Variants in CASP6 observed in about 807,000 individuals in gnomAD.
CASP6 encodes caspase-6.
A neutral mutation model predicts 31.8 loss-of-function variants in CASP6; 20 were observed. That is an observed-to-expected ratio of 0.63 (90% confidence interval 0.44 to 0.91). CASP6 has a LOEUF of 0.91. CASP6 is among the 40% of genes least tolerant of loss of function. CASP6 has a pLI of 0.00. For synonymous variants in CASP6, 130 were observed against 127.8 expected (o/e 1.02, Z -0.12); for missense variants, 328 against 361.1 (o/e 0.91, Z 0.74).
chr4:109,690,196 T>TAC lies in CASP6; in HGVS notation c.644-630_644-629dup, dbSNP rs60978760. On this transcript the variant is annotated intron_variant, in intron 6 of 6. Transcript: ENST00000265164. ...TGAGACTATTAAAAAAAAAAAAAAA[T>TAC]ACACACACACACACACGTCTGGGCA... Among the ~76,000 whole-genome samples the TAC allele has an allele frequency of 3.5e-3, 399 of 113,926 alleles. 5 individuals are homozygous for TAC. Among genetic ancestry groups the TAC allele is most frequent in the East Asian group, 0.016 (66 of 4,134 alleles). The allele number at this position is 113,926 out of a possible 152,430, so 74.7% of individuals were successfully genotyped here.
the CASP6 span, among the ~76,000 whole-genome samples, chr4:109,671,049 T>C: frequency 6.6e-6 from 1 of 152,238 alleles, no homozygotes; most frequent in African/African-American, 2.4e-5. Context: ...TATTTATCTA[T>C]CTTTTCAATT....
the CASP6 span, among the ~76,000 whole-genome samples, chr4:109,664,875 G>A: frequency 6.6e-6 from 1 of 151,994 alleles, no homozygotes; most frequent in Admixed American, 6.6e-5. Flanking sequence ...ACATTATTGG[G>A]TTAAGAGAGA....
At chr4:109,684,865 A>G (rs113216165), downstream of CASP6, 25 of 463,418 alleles carry the variant, frequency 5.4e-5, no homozygotes, top group South Asian at 8.7e-5. Flanking sequence ...GTAACACACA[A>G]ATTCCTCCAT....
chr4:109,688,231 GATT>G (rs1167108469), downstream of CASP6: 2 of 152,218 alleles, frequency 1.3e-5, no homozygotes, highest in Non-Finnish European at 2.9e-5. Context: ...GCCTCTGGCA[GATT>G]ATTAACAAAA....
downstream of CASP6, chr4:109,685,110 T>C (rs778059459): frequency 8.9e-5 from 49 of 551,830 alleles, no homozygotes; most frequent in Non-Finnish European, 1.3e-4. Flanking sequence ...GGCTTATGCT[T>C]ACTCTCATGG....
At chr4:109,686,893 A>T (rs984964138), downstream of CASP6, among the ~76,000 whole-genome samples, 2 of 152,094 alleles carry the variant, frequency 1.3e-5, no homozygotes, top group Middle Eastern at 3.2e-3. Flanking sequence ...AAAAAAATTT[A>T]AATATAACAC....
At chr4:109,684,354 G>A (rs929419209), downstream of CASP6, 30 of 1,054,076 alleles carry the variant, frequency 2.8e-5, no homozygotes, top group Non-Finnish European at 3.7e-5. Context: ...GAGCCACCGC[G>A]CCCGGCAAGA....
chr4:109,684,004 T>A (rs191982318), downstream of CASP6, among the ~76,000 whole-genome samples: 40 of 152,286 alleles, frequency 2.6e-4, no homozygotes, highest in African/African-American at 9.4e-4. Context: ...AAATTGTTTT[T>A]CCATATGTCT....
the CASP6 span, among the ~76,000 whole-genome samples, chr4:109,669,247 A>G: frequency 1.3e-5 from 2 of 152,094 alleles, no homozygotes; most frequent in African/African-American, 4.8e-5. Flanking sequence ...TTGTTTGAAA[A>G]TATCTTTGTT....
chr4:109,702,774 G>C (rs1325425687), intron 1 of CASP6: 1 of 152,574 alleles, frequency 6.6e-6, no homozygotes, highest in Admixed American at 6.5e-5. Flanking sequence ...ACAGACAGCA[G>C]CAGGTTTCCT....
chr4:109,703,546 TC>T, upstream of CASP6: 1 of 963,396 alleles, frequency 1.0e-6, no homozygotes, highest in East Asian at 2.7e-5. Context: ...CCGCCCGGGC[TC>T]CCGTGGATCG....
intron 1 of CASP6, among the ~76,000 whole-genome samples, chr4:109,701,121 CTACTTTT>C (rs1235898406): frequency 1.3e-5 from 2 of 152,014 alleles, no homozygotes; most frequent in Non-Finnish European, 2.9e-5. Flanking sequence ...CCACACCCAG[CTACTTTT>C]TTTTTGTATT....
chr4:109,705,992 AAAAAAAAAAATATATATATAT>A (rs1730591001), upstream of CASP6, among the ~76,000 whole-genome samples: 1 of 72,756 alleles, frequency 1.4e-5, no homozygotes, highest in African/African-American at 7.6e-5. Context: ...AAAAAAAAAA[AAAAAAAAAAATATATATATAT>A]ATATATATAT....
upstream of CASP6, among the ~76,000 whole-genome samples, chr4:109,707,674 C>T (rs1371975217): frequency 2.6e-5 from 4 of 152,176 alleles, no homozygotes; most frequent in African/African-American, 9.7e-5. Flanking sequence ...TGAGCCACGA[C>T]ACCTGGCTTC....
intron 6 of CASP6, among the ~76,000 whole-genome samples, chr4:109,690,180 T>TA (rs766890373): frequency 0.032 from 3,817 of 119,724 alleles, 71 homozygotes; most frequent in Middle Eastern, 0.078. Flanking sequence ...GTGAGACTAT[T>TA]AAAAAAAAAA....
downstream of CASP6, chr4:109,688,538 G>T (rs1729910317): frequency 6.6e-6 from 1 of 152,118 alleles, no homozygotes; most frequent in Non-Finnish European, 1.5e-5. Context: ...ATATGTAGAT[G>T]AAATATTAAA....
chr4:109,674,791 T>C, the CASP6 span, among the ~76,000 whole-genome samples: 2 of 152,266 alleles, frequency 1.3e-5, no homozygotes, highest in Admixed American at 1.3e-4. Flanking sequence ...AATTTTTAAA[T>C]GTCATCTTGA....
chr4:109,698,316 C>G lies in CASP6; in HGVS notation c.67G>C (p.Asp23His). The G allele has an allele frequency of 6.2e-7, 1 of 1,611,266 alleles. No homozygotes were observed. ...AGGEENMTETDAFYKREMFDP... is the reference protein window; with the variant it reads ...AGGEENMTETHAFYKREMFDP... The stretch of plus-strand genomic sequence containing the variant: ...CAGCTTTACCTTTTATAGAAGGCAT[C>G]TGTTTCTGTCATGTTTTCTTCCCCA... Residue 23 changes from aspartate (D) to histidine (H), a missense_variant, in exon 2 of 7, where the codon GAT becomes CAT. Transcript: ENST00000265164.
At chr4:109,685,404 G>A, downstream of CASP6, 1 of 896,104 alleles carries the variant, frequency 1.1e-6, no homozygotes, top group Non-Finnish European at 1.9e-6. Context: ...GGTTTGTTTG[G>A]GAGCCAGAAC....
Sources: allele counts gnomAD v4.1 joint callset (sites outside exome capture counted in the v4.1 genomes callset), GRCh38; gene constraint gnomAD v4.1.1; transcripts MANE v1.5; gene names NCBI Gene and HGNC (gene_info 2026-07-23, HGNC 2026-07-21).